TRAFD1: variants seen among roughly 807,000 people sequenced by gnomAD.
TRAFD1 encodes the protein TRAF-type zinc finger domain containing 1.
A neutral mutation model predicts 65.3 loss-of-function variants in TRAFD1; 38 were observed. The observed-to-expected ratio is 0.58, with a 90% CI of 0.45 to 0.76. The LOEUF (loss-of-function observed/expected upper bound fraction) is 0.76, where lower values mean the gene tolerates loss of function less well. Among genes scored for constraint, TRAFD1 ranks in the 30% least tolerant of loss-of-function variants. The pLI is 0.00. For missense variants in TRAFD1, 631 were observed against 712.6 expected (o/e 0.89, Z 1.30); for synonymous variants, 223 against 257.2 (o/e 0.87, Z 1.27).
In TRAFD1 at chr12:112,151,798, C is replaced by T; in HGVS notation, c.1280-3C>T. The T allele has an allele frequency of 2.5e-6, 4 of 1,610,650 alleles. No individual in the cohort carries two copies. Among genetic ancestry groups the T allele is most frequent in the Non-Finnish European group, 3.4e-6 (4 of 1,177,402 alleles). Reference sequence around the variant, plus strand: ...TAAAGCTGTTACCATTTTCTCTTCTCAGGAGACCTGTCTTCTGGTTACCTG... The same window carrying T: ...TAAAGCTGTTACCATTTTCTCTTCTTAGGAGACCTGTCTTCTGGTTACCTG... On this transcript the variant is annotated splice_polypyrimidine_tract_variant and splice_region_variant and intron_variant, in intron 9 of 11. Coordinates refer to ENST00000412615, the MANE Select transcript of TRAFD1 (RefSeq NM_006700.3).
chr12:112,141,292 T>C, intron 5 of TRAFD1, 68 bp downstream of exon 5: 1 of 1,559,230 alleles, frequency 6.4e-7, no homozygotes, highest in East Asian at 2.3e-5. Flanking sequence ...GAACAGGGCT[T>C]TGGGGCCAGA....
chr12:112,141,088 C>T lies in TRAFD1; in HGVS notation c.507C>T (p.Leu169=), dbSNP rs2030073829. 6.2e-7 allele frequency: 1 copy of T among 1,614,114 alleles called. No individual in the cohort carries two copies. The highest frequency in any genetic ancestry group is 1.3e-5 in the African/African-American group (1 of 75,030). Residue 169 remains leucine (L), a synonymous_variant, in exon 5 of 12, where the codon CTC becomes CTT. Coordinates refer to ENST00000412615, the MANE Select transcript of TRAFD1 (RefSeq NM_006700.3). The part of the protein sequence containing the change: ...QDGIWIASQL[L]RQIEALDPPM... The stretch of plus-strand genomic sequence containing the variant: ...GAATCTGGATTGCATCCCAACTCCT[C>T]AGACAAATTGAGGCTCTGGACCCAC...
Position 112,137,488 on chromosome 12 carries a change from C to T in TRAFD1, c.237+2422C>T, listed in dbSNP as rs1311785315. On this transcript the variant is annotated intron_variant, in intron 4 of 11. Transcript: ENST00000412615. The surrounding 1 kb of genome is among the most constrained non-coding windows in gnomAD (Gnocchi z 4.2). ...CCTTGATCTTCATTTCTTGGCTGGG[C>T]GCAGTGGCTCACGCCTGTAATCCCA... 6.6e-6 allele frequency among the ~76,000 whole-genome samples: 1 copy of T among 152,160 alleles called. No individual in the cohort carries two copies. Among genetic ancestry groups the T allele is most frequent in the Admixed American group, 6.5e-5 (1 of 15,278 alleles).
chr12:112,128,213 C>A (rs1317872546), intron 1 of TRAFD1, among the ~76,000 whole-genome samples: 1 of 151,304 alleles, frequency 6.6e-6, no homozygotes, highest in Non-Finnish European at 1.5e-5. Flanking sequence ...GCCATGCTGG[C>A]CAGGCTGGTC....
chr12:112,135,834 T>G (rs943280216), intron 4 of TRAFD1, among the ~76,000 whole-genome samples: 5 of 151,762 alleles, frequency 3.3e-5, no homozygotes, highest in Non-Finnish European at 7.4e-5. Flanking sequence ...GGTTTTTTTT[T>G]TTTTTTTTTT....
chr12:112,139,001 G>A (rs1308019492), intron 4 of TRAFD1, among the ~76,000 whole-genome samples: 2 of 152,034 alleles, frequency 1.3e-5, no homozygotes, highest in African/African-American at 2.4e-5. Flanking sequence ...GAGGAACAGG[G>A]GAGAAGAGAC....
intron 1 of TRAFD1, among the ~76,000 whole-genome samples, chr12:112,129,031 A>C (rs1448477327): frequency 2.2e-5 from 3 of 136,538 alleles, no homozygotes; most frequent in Non-Finnish European, 1.5e-5. Context: ...ACTCTGTTTA[A>C]AAAAAAAAAA....
intron 7 of TRAFD1, among the ~76,000 whole-genome samples, chr12:112,147,272 C>T (rs1172340942): frequency 2.0e-5 from 3 of 152,126 alleles, no homozygotes; most frequent in Admixed American, 6.6e-5. Flanking sequence ...GCTGAGATTA[C>T]AGGCGTGAGC....
intron 2 of TRAFD1, among the ~76,000 whole-genome samples, chr12:112,131,676 G>A (rs763265032): frequency 6.6e-6 from 1 of 152,136 alleles, no homozygotes. Context: ...ATACGGAATT[G>A]TGTGCTCATT....
chr12:112,144,231 A>G (rs1433852582), intron 6 of TRAFD1, among the ~76,000 whole-genome samples: 1 of 150,656 alleles, frequency 6.6e-6, no homozygotes, highest in African/African-American at 2.4e-5. Flanking sequence ...ACATAGAGAT[A>G]CTACCATTAG....
At chr12:112,134,499 G>T (rs1022011081) in intron 2 of TRAFD1, among the ~76,000 whole-genome samples, 2 of 151,934 alleles carry the variant, frequency 1.3e-5, no homozygotes, top group Non-Finnish European at 2.9e-5. Context: ...CAGGTGATCC[G>T]CCTGCCTCGG....
chr12:112,131,401 T>C lies in TRAFD1; in HGVS notation c.47+832T>C, dbSNP rs934370333. Among the ~76,000 whole-genome samples the C allele has an allele frequency of 2.6e-5, 4 of 152,170 alleles. No homozygotes were observed. In the East Asian group the frequency reaches 7.7e-4, roughly 29 times the overall value. On this transcript the variant is annotated intron_variant, in intron 2 of 11. Transcript: ENST00000412615. ...TAGGACAAAATATAAATAACTATGC[T>C]AAGAGAGTTAAAGGGTGAGTTAATG...
intron 2 of TRAFD1, among the ~76,000 whole-genome samples, chr12:112,132,427 TTAAAG>T (rs2079571162): frequency 6.6e-6 from 1 of 152,348 alleles, no homozygotes; most frequent in Non-Finnish European, 1.5e-5. Flanking sequence ...CAGTAATGTA[TTAAAG>T]TATTCATTTC....
rs897907467 is a variant in TRAFD1 at position 112,130,213 on chromosome 12, C to G, written c.-12-298C>G. ...TCTTAAACTCCTGGGCTCAAGTGAT[C>G]CGCCTGCCTCGGCCTCCCAAAGTAC... On this transcript the variant is annotated intron_variant, in intron 1 of 11. Transcript: ENST00000412615. The surrounding 1 kb of genome is among the most constrained non-coding windows in gnomAD (Gnocchi z 4.4). Among the ~76,000 whole-genome samples, 4 of 151,910 alleles carry G rather than the reference C, an allele frequency of 2.6e-5. No individual in the cohort carries two copies. Among genetic ancestry groups the G allele is most frequent in the Admixed American group, 6.6e-5 (1 of 15,220 alleles).
Position 112,152,412 on chromosome 12 carries a change from A to G in TRAFD1, c.1620-15A>G. ...GGGACACTTCAGGAGCTAGTTTCTA[A>G]TTGTTTTCTTTCAGTGGTAGGAGTG... On this transcript the variant is annotated splice_polypyrimidine_tract_variant and intron_variant, in intron 10 of 11. Coordinates refer to ENST00000412615, the MANE Select transcript of TRAFD1 (RefSeq NM_006700.3). This position sits in a 1 kb window ranked among gnomAD's most constrained non-coding sequence, Gnocchi z 5.0. The G allele has an allele frequency of 6.2e-7, 1 of 1,611,618 alleles. No homozygotes were observed. The highest frequency in any genetic ancestry group is 1.1e-5 in the South Asian group (1 of 91,058).
chr12:112,140,491 A>G (rs1423110107), intron 4 of TRAFD1, among the ~76,000 whole-genome samples: 1 of 151,754 alleles, frequency 6.6e-6, no homozygotes, highest in Non-Finnish European at 1.5e-5. Context: ...TTTGACAAAC[A>G]TCTGACTTGC....
chr12:112,132,262 A>G lies in TRAFD1; in HGVS notation c.47+1693A>G, dbSNP rs1388348522. On this transcript the variant is annotated intron_variant, in intron 2 of 11. Coordinates refer to ENST00000412615, the MANE Select transcript of TRAFD1 (RefSeq NM_006700.3). ...TTAGCTATTCCTTTCTTGCTTAGGTATTTTTAATGACTTTCATTTTTTACC... is the reference window on the plus strand; with the variant it reads ...TTAGCTATTCCTTTCTTGCTTAGGTGTTTTTAATGACTTTCATTTTTTACC... 2.6e-5 allele frequency among the ~76,000 whole-genome samples: 4 copies of G among 152,128 alleles called. No individual in the cohort carries two copies. In the East Asian group the frequency reaches 7.7e-4, roughly 29 times the overall value.
At chr12:112,140,407 G>T (rs1313214139) in intron 4 of TRAFD1, among the ~76,000 whole-genome samples, 6 of 141,390 alleles carry the variant, frequency 4.2e-5, no homozygotes, top group Admixed American at 3.6e-4. Context: ...GCGACAGTGC[G>T]AGACACTGTC....
intron 4 of TRAFD1, among the ~76,000 whole-genome samples, chr12:112,138,292 G>C (rs1388025663): frequency 6.6e-6 from 1 of 152,130 alleles, no homozygotes; most frequent in African/African-American, 2.4e-5. Context: ...GACTCAGCCT[G>C]TAATCCCAGC....
Sources: gnomAD v4.1 joint callset for allele counts (sites outside exome capture counted in the v4.1 genomes callset) on GRCh38, gnomAD v4.1.1 for gene constraint, Gnocchi (gnomAD v3.1) non-coding constraint, MANE v1.5 for transcripts, NCBI Gene and HGNC (gene_info 2026-07-23, HGNC 2026-07-21) for gene names.